The following STK39 variants were observed in gnomAD, a reference collection of about 807,000 sequenced individuals.
STK39 encodes STE20/SPS1-related proline-alanine-rich protein kinase.
In STK39, 20 loss-of-function variants were observed where a neutral mutation model predicts 77.8. The ratio of observed to expected loss-of-function variants is 0.26; its 90% CI spans 0.18 to 0.37. The LOEUF (loss-of-function observed/expected upper bound fraction) is 0.37, where lower values mean the gene tolerates loss of function less well. Among genes scored for constraint, STK39 ranks in the 10% least tolerant of loss-of-function variants. The pLI, the probability that STK39 is intolerant of heterozygous loss-of-function variation, is 1.00. For missense variants in STK39, 479 were observed against 656.5 expected, an observed-to-expected ratio of 0.73 and a Z score of 2.95; for synonymous variants, 246 against 234.1, an observed-to-expected ratio of 1.05 and a Z score of -0.47.
At chr2:168,101,584 A>C (rs1297216475) in intron 10 of STK39, among the ~76,000 whole-genome samples, 3 of 151,940 alleles carry the variant, frequency 2.0e-5, no homozygotes, top group Admixed American at 6.6e-5. Flanking sequence ...CTAAACATAC[A>C]AAAATTAGCC....
chr2:168,224,674 T>C (rs1053964260), intron 1 of STK39, among the ~76,000 whole-genome samples: 1 of 152,236 alleles, frequency 6.6e-6, no homozygotes, highest in Non-Finnish European at 1.5e-5. Context: ...GAGCACTGCA[T>C]AGTTTTTAAT....
intron 1 of STK39, among the ~76,000 whole-genome samples, chr2:168,207,970 A>G (rs1390545844): frequency 6.6e-6 from 1 of 152,190 alleles, no homozygotes; most frequent in Non-Finnish European, 1.5e-5. Context: ...TGGGAAAGGC[A>G]AGATCAGAGA....
chr2:168,140,201 AGAAGAAT>A, intron 7 of STK39, 81 bp downstream of exon 7: 1 of 1,143,434 alleles, frequency 8.7e-7, no homozygotes, highest in South Asian at 1.3e-5. Flanking sequence ...CGGGTCTAAG[AGAAGAAT>A]GAAGATGTTG....
chr2:168,155,071 T>A (rs1036005225), intron 5 of STK39, among the ~76,000 whole-genome samples: 9 of 152,064 alleles, frequency 5.9e-5, no homozygotes, highest in Non-Finnish European at 1.2e-4. Context: ...GGAGACTGAG[T>A]CCCATCTGCC....
intron 2 of STK39, among the ~76,000 whole-genome samples, chr2:168,178,735 C>T (rs1191844615): frequency 6.6e-6 from 1 of 152,198 alleles, no homozygotes; most frequent in African/African-American, 2.4e-5. Context: ...GAAGCTGACA[C>T]TGTAATTAGC....
At chr2:168,136,233 GT>G (rs1687833453) in intron 8 of STK39, among the ~76,000 whole-genome samples, 3 of 151,802 alleles carry the variant, frequency 2.0e-5, no homozygotes, top group African/African-American at 7.3e-5. Flanking sequence ...GCCTGGCGTG[GT>G]GACACACGCC....
rs141679443 is a variant in STK39, at chr2:168,065,190, A to T, written c.1305+129T>A. The T allele has an allele frequency of 1.7e-3, 1,539 of 922,774 alleles. 25 individuals are homozygous for T. The African/African-American group carries it at 0.022, about 13-fold the overall frequency. 57.2% of individuals were successfully genotyped at this position (922,774 alleles called of 1,614,324 possible). A position where few individuals can be genotyped will look rare whatever the true frequency, so the allele number is the denominator to read the frequency against. On this transcript the variant is annotated intron_variant, in intron 13 of 17. Transcript: ENST00000355999. The stretch of plus-strand genomic sequence containing the variant: ...AAGCACAGTCAATAGCAACCTATTT[A>T]AAAAGACAGCTTATAAGCCCTTGAT...
At chr2:168,062,768 A>AT (rs1243084411) in intron 14 of STK39, among the ~76,000 whole-genome samples, 1 of 152,248 alleles carries the variant, frequency 6.6e-6, no homozygotes, top group Non-Finnish European at 1.5e-5. Context: ...TCAGAAGAAC[A>AT]TATGTATAAC....
chr2:168,176,615 T>A (rs1443730951), intron 2 of STK39, among the ~76,000 whole-genome samples: 1 of 152,160 alleles, frequency 6.6e-6, no homozygotes, highest in African/African-American at 2.4e-5. Context: ...GGCAGTGGCT[T>A]TGTTCTGAGG....
intron 7 of STK39, among the ~76,000 whole-genome samples, chr2:168,139,424 A>ATATATATATATATATATATATATAT (rs1559115953): frequency 6.6e-6 from 1 of 150,462 alleles, no homozygotes; most frequent in African/African-American, 2.4e-5. Context: ...ATATATATAT[A>ATATATATATATATATATATATATAT]AAAACAATAA....
At chr2:168,220,222 CT>C (rs1690132913) in intron 1 of STK39, among the ~76,000 whole-genome samples, 1 of 152,104 alleles carries the variant, frequency 6.6e-6, no homozygotes, top group Admixed American at 6.5e-5. Flanking sequence ...TGAAAGGAAA[CT>C]AAACAACTCA....
intron 13 of STK39, 24 bp from the exon 14 acceptor site, chr2:168,063,594 G>C (rs773755574): frequency 3.3e-5 from 53 of 1,593,768 alleles, no homozygotes; most frequent in Non-Finnish European, 4.0e-5. Flanking sequence ...ACAGCAAACA[G>C]TGTTATAAAC....
chr2:168,111,164 T>C (rs1263618953), intron 10 of STK39, among the ~76,000 whole-genome samples: 1 of 152,178 alleles, frequency 6.6e-6, no homozygotes, highest in Non-Finnish European at 1.5e-5. Flanking sequence ...TATAGGGTTC[T>C]AAAAATCTCT....
At chr2:168,128,544 A>G (rs1159086498) in intron 10 of STK39, among the ~76,000 whole-genome samples, 4 of 152,150 alleles carry the variant, frequency 2.6e-5, no homozygotes. Flanking sequence ...ACCCCACATA[A>G]TTCTTCTGGT....
intron 1 of STK39, among the ~76,000 whole-genome samples, chr2:168,233,791 T>C (rs1000642877): frequency 3.9e-5 from 6 of 152,238 alleles, no homozygotes; most frequent in Non-Finnish European, 7.3e-5. Flanking sequence ...CTGAAGTGAT[T>C]CTGACTACGA....
At chr2:168,157,455 C>T (rs1431494176) in intron 5 of STK39, among the ~76,000 whole-genome samples, 1 of 152,150 alleles carries the variant, frequency 6.6e-6, no homozygotes, top group Non-Finnish European at 1.5e-5. Context: ...TAACAAAATA[C>T]CTTAGACTGG....
chr2:168,063,290 C>T (rs567594533), intron 14 of STK39, among the ~76,000 whole-genome samples: 2 of 152,274 alleles, frequency 1.3e-5, no homozygotes, highest in African/African-American at 4.8e-5. Flanking sequence ...TGCAGACACA[C>T]TCATATGGTG....
chr2:168,229,839 C>T (rs898567643), intron 1 of STK39, among the ~76,000 whole-genome samples: 9 of 152,162 alleles, frequency 5.9e-5, no homozygotes, highest in Non-Finnish European at 1.2e-4. Flanking sequence ...CAGCATTACA[C>T]ACACACACCC....
chr2:168,060,887 T>C (rs1685647033), intron 14 of STK39, among the ~76,000 whole-genome samples: 1 of 151,392 alleles, frequency 6.6e-6, no homozygotes, highest in African/African-American at 2.5e-5. Flanking sequence ...GTCAGAAGAC[T>C]CTTCGCCCTC....
Sources: gnomAD v4.1 joint callset for allele counts (sites outside exome capture counted in the v4.1 genomes callset) on GRCh38, gnomAD v4.1.1 for gene constraint, MANE v1.5 for transcripts, NCBI Gene and HGNC (gene_info 2026-07-23, HGNC 2026-07-21) for gene names.